The following NTM variants were observed in gnomAD, a reference collection of about 807,000 sequenced individuals.
NTM encodes the protein IgLON family member 2.
A neutral mutation model predicts 42.1 loss-of-function variants in NTM; 13 were observed. The ratio of observed to expected loss-of-function variants is 0.31; its 90% confidence interval spans 0.20 to 0.49. The LOEUF (loss-of-function observed/expected upper bound fraction) is 0.49. Among genes scored for constraint, NTM ranks in the 20% least tolerant of loss-of-function variants. The pLI is 0.99. For synonymous variants in NTM, 187 were observed against 179.2 expected (o/e 1.04, Z -0.35); for missense variants, 373 against 452.8 (o/e 0.82, Z 1.60).
chr11:132,242,471 C>A (rs895961323), intron 4 of NTM, among the ~76,000 whole-genome samples: 2 of 152,116 alleles, frequency 1.3e-5, no homozygotes, highest in African/African-American at 4.8e-5. Context: ...GAAAGAATAG[C>A]AAAGAAAGAA....
intron 1 of NTM, among the ~76,000 whole-genome samples, chr11:131,755,908 G>A (rs1300779843): frequency 6.6e-6 from 1 of 152,210 alleles, no homozygotes; most frequent in Non-Finnish European, 1.5e-5. Flanking sequence ...AGAGGCAATA[G>A]AAGCATTAGC....
chr11:132,030,544 T>A (rs545337988), intron 2 of NTM, among the ~76,000 whole-genome samples: 1 of 152,300 alleles, frequency 6.6e-6, no homozygotes, highest in East Asian at 1.9e-4. Flanking sequence ...GGGGCTTAAA[T>A]GGGACTAGAG....
chr11:131,695,375 C>G (rs79629842), intron 1 of NTM, among the ~76,000 whole-genome samples: 1 of 152,070 alleles, frequency 6.6e-6, no homozygotes, highest in Non-Finnish European at 1.5e-5. Context: ...GTTTCCTGAA[C>G]GAATGACTTT....
chr11:131,942,067 TA>T (rs758968545), intron 2 of NTM, among the ~76,000 whole-genome samples: 1 of 152,142 alleles, frequency 6.6e-6, no homozygotes, highest in Non-Finnish European at 1.5e-5. Flanking sequence ...GCTGGGGATT[TA>T]AAAAAATGAA....
chr11:132,082,161 A>G (rs2136292828), intron 2 of NTM, among the ~76,000 whole-genome samples: 1 of 152,106 alleles, frequency 6.6e-6, no homozygotes, highest in Middle Eastern at 3.4e-3. Context: ...TAAAGAATTG[A>G]TGGTCCTGGG....
At chr11:131,844,046 T>C (rs2044622612) in intron 1 of NTM, among the ~76,000 whole-genome samples, 1 of 152,174 alleles carries the variant, frequency 6.6e-6, no homozygotes, top group Non-Finnish European at 1.5e-5. Context: ...AACTTTATTT[T>C]CTTTGATGAG....
At chr11:131,825,433 G>T (rs1360264715) in intron 1 of NTM, among the ~76,000 whole-genome samples, 1 of 152,146 alleles carries the variant, frequency 6.6e-6, no homozygotes, top group Non-Finnish European at 1.5e-5. Flanking sequence ...CTGGGATGAG[G>T]CTGGATATGA....
In NTM at chr11:132,146,476, A is replaced by G. The variant is rs372208052; in HGVS notation, c.362A>G (p.Asn121Ser). The change falls in exon 3 of 9, where the codon AAC (asparagine) becomes AGC (serine). Residue 121 changes from asparagine (N) to serine (S), a missense_variant. Asn to Ser is a conservative substitution (Grantham distance 46, BLOSUM62 1). Around this residue, in one of 3 missense-constraint regions of NTM, gnomAD observed 312 missense variants for 353.5 expected, o/e 0.88. Transcript: ENST00000683400. This position sits in a 1 kb window ranked among gnomAD's most constrained non-coding sequence, Gnocchi z 4.5. The part of the protein sequence containing the change: ...GPYTCSVQTD[N>S]HPKTSRVHLI... ...TACACCTGCTCGGTGCAGACAGACA[A>G]CCACCCAAAGACCTCTAGGGTCCAC... is the stretch of plus-strand genomic sequence containing the variant. 11 of 1,614,008 alleles carry G rather than the reference A, an allele frequency of 6.8e-6. No homozygotes were observed. The highest frequency in any genetic ancestry group is 9.3e-6 in the Non-Finnish European group (11 of 1,180,040).
intron 1 of NTM, among the ~76,000 whole-genome samples, chr11:131,514,453 G>A (rs1057021726): frequency 1.3e-5 from 2 of 152,082 alleles, no homozygotes; most frequent in Non-Finnish European, 2.9e-5. Context: ...AGGCAGATAC[G>A]GGAGCCCACA....
At chr11:131,397,946 T>TA (rs1944741465) in intron 1 of NTM, among the ~76,000 whole-genome samples, 1 of 152,206 alleles carries the variant, frequency 6.6e-6, no homozygotes, top group Non-Finnish European at 1.5e-5. Flanking sequence ...ATTATGTCAG[T>TA]ACAAAGGGCA....
intron 1 of NTM, among the ~76,000 whole-genome samples, chr11:131,547,992 T>G (rs1198869182): frequency 6.6e-6 from 1 of 152,160 alleles, no homozygotes. Context: ...GAGCAGGAAC[T>G]TGCAAGGAGA....
chr11:131,619,588 G>A (rs1324933763), intron 1 of NTM, among the ~76,000 whole-genome samples: 1 of 152,104 alleles, frequency 6.6e-6, no homozygotes, highest in African/African-American at 2.4e-5. Context: ...TGGGGCATTG[G>A]CAACAGACAG....
At chr11:132,170,832 G>A (rs1031415050) in intron 3 of NTM, among the ~76,000 whole-genome samples, 6 of 152,144 alleles carry the variant, frequency 3.9e-5, no homozygotes, top group South Asian at 2.1e-4. Context: ...GTCAGGCACC[G>A]TGGCAAGTGT....
At chr11:131,753,165 G>T (rs1434700117) in intron 1 of NTM, among the ~76,000 whole-genome samples, 1 of 152,134 alleles carries the variant, frequency 6.6e-6, no homozygotes, top group Non-Finnish European at 1.5e-5. Context: ...GGCCATCAGA[G>T]AAATGCAAAT....
At chr11:131,701,827 G>T (rs546815994) in intron 1 of NTM, among the ~76,000 whole-genome samples, 38 of 152,282 alleles carry the variant, frequency 2.5e-4, no homozygotes, top group African/African-American at 9.1e-4. Context: ...GTGGAAATAG[G>T]GGTGGAGGGG....
intron 1 of NTM, among the ~76,000 whole-genome samples, chr11:131,887,406 C>G (rs556588654): frequency 1.6e-4 from 24 of 152,188 alleles, no homozygotes; most frequent in African/African-American, 5.5e-4. Flanking sequence ...GTCTAGCGAG[C>G]CTTGTGGGCT....
At chr11:131,510,134 C>A (rs7117193) in intron 1 of NTM, among the ~76,000 whole-genome samples, 3 of 151,948 alleles carry the variant, frequency 2.0e-5, no homozygotes, top group Non-Finnish European at 2.9e-5. Context: ...AATTTACATG[C>A]GGGATGAAGC....
intron 2 of NTM, among the ~76,000 whole-genome samples, chr11:132,027,908 A>T (rs1565978428): frequency 1.3e-5 from 2 of 150,532 alleles, no homozygotes; most frequent in African/African-American, 4.9e-5. Context: ...ATTCTGTTCC[A>T]TTTTTTTCAG....
At chr11:131,889,166 A>G (rs2050858278) in intron 1 of NTM, among the ~76,000 whole-genome samples, 1 of 152,208 alleles carries the variant, frequency 6.6e-6, no homozygotes, top group Non-Finnish European at 1.5e-5. Context: ...TTAACATGAT[A>G]AGGGACAGAG....
Sources: allele counts gnomAD v4.1 joint callset (sites outside exome capture counted in the v4.1 genomes callset), GRCh38; gene constraint gnomAD v4.1.1; regional missense constraint gnomAD v4.1.1; non-coding constraint Gnocchi (gnomAD v3.1); transcripts MANE v1.5; gene names NCBI Gene and HGNC (gene_info 2026-07-23, HGNC 2026-07-21).